The following NCAM1 variants were observed in gnomAD, a reference collection of about 807,000 sequenced individuals.
NCAM1 encodes the protein antigen recognized by monoclonal antibody 5.1H11.
In NCAM1, 14 loss-of-function variants were observed where a neutral mutation model predicts 109.8. The observed-to-expected ratio is 0.13, with a 90% CI of 0.08 to 0.20. The LOEUF is 0.20. Among genes scored for constraint, NCAM1 ranks in the 10% least tolerant of loss-of-function variants. NCAM1 has a pLI of 1.00. For synonymous variants in NCAM1, 418 were observed against 442.9 expected (o/e 0.94, Z 0.70); for missense variants, 774 against 1,109.9 (o/e 0.70, Z 4.30).
At chr11:113,193,200 AAAAC>A (rs782158233) in intron 1 of NCAM1, among the ~76,000 whole-genome samples, 5 of 152,212 alleles carry the variant, frequency 3.3e-5, no homozygotes, top group African/African-American at 4.8e-5. Context: ...TTAAAACTAG[AAAAC>A]AAACAAGCAG....
chr11:113,267,362 T>G (rs1234213223), intron 17 of NCAM1, among the ~76,000 whole-genome samples: 1 of 151,832 alleles, frequency 6.6e-6, no homozygotes, highest in Non-Finnish European at 1.5e-5. Flanking sequence ...GAACAGAAAG[T>G]GGCAGATAGT....
At chr11:113,181,504 A>C (rs1056846227) in intron 1 of NCAM1, among the ~76,000 whole-genome samples, 9 of 152,116 alleles carry the variant, frequency 5.9e-5, no homozygotes, top group Non-Finnish European at 1.2e-4. Context: ...AACAACACAC[A>C]CTGGGGCCTG....
intron 1 of NCAM1, among the ~76,000 whole-genome samples, chr11:113,007,795 T>C (rs1046260789): frequency 6.6e-6 from 1 of 152,200 alleles, no homozygotes. Context: ...GGCTTAGAGA[T>C]GGTATGACAT....
intron 1 of NCAM1, among the ~76,000 whole-genome samples, chr11:112,964,842 AAC>A (rs1202813042): frequency 2.6e-5 from 4 of 152,236 alleles, no homozygotes; most frequent in Non-Finnish European, 5.9e-5. Flanking sequence ...TTTTAAATCC[AAC>A]AGAGTTATTA....
At chr11:113,241,938 G>C (rs1254117420) in intron 14 of NCAM1, among the ~76,000 whole-genome samples, 1 of 152,228 alleles carries the variant, frequency 6.6e-6, no homozygotes, top group African/African-American at 2.4e-5. Flanking sequence ...TGTTGACTCA[G>C]AAGCATGCCC....
In NCAM1 at chr11:113,273,378, G is replaced by A. The variant is rs1469225868; in HGVS notation, c.2456+1502G>A. The A allele has an allele frequency of 3.0e-6, 1 of 330,930 alleles. No homozygotes were observed. The highest frequency in any genetic ancestry group is 6.0e-6 in the Non-Finnish European group (1 of 166,136). The allele number at this position is 330,930 out of a possible 1,614,324, so 20.5% of individuals were successfully genotyped here. ...TGCACCAGTCCCCACCCCGACTGGG[G>A]CAGCCAGTCCTCTAGCAGCAGCGGC... On this transcript the variant is annotated intron_variant, in intron 19 of 19. Coordinates refer to ENST00000316851, the MANE Select transcript of NCAM1 (RefSeq NM_181351.5). This position sits in a 1 kb window ranked among gnomAD's most constrained non-coding sequence, Gnocchi z 6.0.
chr11:113,000,837 TATA>T (rs1951730991), intron 1 of NCAM1, among the ~76,000 whole-genome samples: 1 of 44,256 alleles, frequency 2.3e-5, no homozygotes, highest in Non-Finnish European at 4.7e-5. Context: ...TATATATATA[TATA>T]TATATATACA....
chr11:113,177,598 T>C (rs1214996051), intron 1 of NCAM1, among the ~76,000 whole-genome samples: 1 of 152,072 alleles, frequency 6.6e-6, no homozygotes, highest in African/African-American at 2.4e-5. Flanking sequence ...CACACCCAGC[T>C]AATTTTGTAT....
intron 1 of NCAM1, among the ~76,000 whole-genome samples, chr11:113,109,205 G>A (rs1414654824): frequency 1.3e-5 from 2 of 151,470 alleles, no homozygotes; most frequent in Non-Finnish European, 2.9e-5. Context: ...AAAATTAACC[G>A]GGCGTGGTGG....
At chr11:113,188,107 A>G (rs1943567954) in intron 1 of NCAM1, among the ~76,000 whole-genome samples, 1 of 152,190 alleles carries the variant, frequency 6.6e-6, no homozygotes, top group African/African-American at 2.4e-5. Flanking sequence ...CAGTCCTGTA[A>G]CATATTCAGA....
chr11:113,066,587 A>G (rs1048437474), intron 1 of NCAM1, among the ~76,000 whole-genome samples: 2 of 152,142 alleles, frequency 1.3e-5, no homozygotes, highest in African/African-American at 2.4e-5. Context: ...TCCTTTAATC[A>G]TCTTTTCTCT....
At chr11:113,212,057 G>A (rs957933035) in intron 7 of NCAM1, among the ~76,000 whole-genome samples, 1 of 152,202 alleles carries the variant, frequency 6.6e-6, no homozygotes, top group Admixed American at 6.5e-5. Context: ...GAAGGCAGAG[G>A]GAGGGAATCT....
At chr11:113,229,028 G>C (rs534130986) in intron 9 of NCAM1, among the ~76,000 whole-genome samples, 207 of 152,284 alleles carry the variant, frequency 1.4e-3, no homozygotes, top group African/African-American at 4.7e-3. Context: ...CATGGACAAG[G>C]ACTTCACGTC....
At chr11:113,205,825 T>C (rs1944219321) in intron 4 of NCAM1, among the ~76,000 whole-genome samples, 159 bp downstream of exon 4, 1 of 152,162 alleles carries the variant, frequency 6.6e-6, no homozygotes, top group African/African-American at 2.4e-5. Context: ...CTGAAGTTGG[T>C]ATACTTAGGT....
intron 1 of NCAM1, among the ~76,000 whole-genome samples, chr11:112,989,293 T>G (rs1359112334): frequency 6.6e-6 from 1 of 152,132 alleles, no homozygotes; most frequent in Non-Finnish European, 1.5e-5. Flanking sequence ...TTCTTCGCTC[T>G]TTTTCATTAT....
intron 1 of NCAM1, among the ~76,000 whole-genome samples, chr11:113,135,605 C>T (rs1428193375): frequency 6.6e-6 from 1 of 152,122 alleles, no homozygotes; most frequent in East Asian, 1.9e-4. Context: ...TTTAAGCCTT[C>T]GAGAGCTGTT....
chr11:113,057,976 C>T (rs1953773692), intron 1 of NCAM1, among the ~76,000 whole-genome samples: 1 of 152,058 alleles, frequency 6.6e-6, no homozygotes, highest in African/African-American at 2.4e-5. Context: ...CAGAGAAGAG[C>T]CTGGTTGTCA....
chr11:113,178,254 C>A (rs782670321), intron 1 of NCAM1, among the ~76,000 whole-genome samples: 1 of 151,938 alleles, frequency 6.6e-6, no homozygotes, highest in Admixed American at 6.6e-5. Context: ...AAAATGGGGG[C>A]CAAATGGGAG....
intron 15 of NCAM1, among the ~76,000 whole-genome samples, chr11:113,254,238 A>G (rs1320885005): frequency 1.8e-4 from 27 of 152,244 alleles, no homozygotes; most frequent in Admixed American, 1.8e-3. Context: ...GCCTGGGGCT[A>G]GATAGTGGCT....
Sources: allele counts gnomAD v4.1 joint callset (sites outside exome capture counted in the v4.1 genomes callset), GRCh38; gene constraint gnomAD v4.1.1; non-coding constraint Gnocchi (gnomAD v3.1); transcripts MANE v1.5; gene names NCBI Gene and HGNC (gene_info 2026-07-23, HGNC 2026-07-21).